The following ECM2 variants were observed in gnomAD, a reference collection of about 807,000 sequenced individuals.
ECM2 encodes the protein extracellular matrix protein 2, also known as extracellular matrix protein 2, female organ and adipocyte specific.
ECM2 carries 57 observed loss-of-function variants against 67.5 expected under a neutral mutation model. That is an observed-to-expected ratio of 0.84 (90% CI 0.68 to 1.05). The LOEUF is 1.05. Ranked by LOEUF, ECM2 falls within the 50% of genes least tolerant of loss-of-function variation. The pLI is 0.00. For missense variants in ECM2, 741 were observed against 822.8 expected, an observed-to-expected ratio of 0.90 and a Z score of 1.22; for synonymous variants, 258 against 294.5, an observed-to-expected ratio of 0.88 and a Z score of 1.27.
the ECM2 span, among the ~76,000 whole-genome samples, chr9:92,546,075 G>T: frequency 2.0e-5 from 3 of 152,002 alleles, 1 homozygote; most frequent in East Asian, 5.8e-4. Flanking sequence ...TCAGCACCCT[G>T]TGTCTAGCTC....
At chr9:92,550,932 C>G in the ECM2 span, among the ~76,000 whole-genome samples, 8 of 152,150 alleles carry the variant, frequency 5.3e-5, no homozygotes, top group Admixed American at 1.3e-4. Flanking sequence ...GGCTCTTTCC[C>G]CAGCTCCATA....
At chr9:92,557,217 AG>A in the ECM2 span, among the ~76,000 whole-genome samples, 4 of 152,152 alleles carry the variant, frequency 2.6e-5, no homozygotes, top group Non-Finnish European at 4.4e-5. Context: ...TTTCCTTTGT[AG>A]GTTACCTGGT....
chr9:92,548,592 T>G, the ECM2 span, among the ~76,000 whole-genome samples: 2 of 152,226 alleles, frequency 1.3e-5, no homozygotes, highest in Non-Finnish European at 2.9e-5. Flanking sequence ...TAATTGTCTT[T>G]ATACAGTGAG....
intron 2 of ECM2, among the ~76,000 whole-genome samples, chr9:92,520,383 AGTT>A (rs1324437962): frequency 6.6e-6 from 1 of 152,218 alleles, no homozygotes; most frequent in African/African-American, 2.4e-5. Context: ...TAACATCATT[AGTT>A]GTTAGGGAAA....
At chr9:92,524,137 C>A (rs1848246964) in intron 1 of ECM2, among the ~76,000 whole-genome samples, 1 of 152,158 alleles carries the variant, frequency 6.6e-6, no homozygotes, top group South Asian at 2.1e-4. Context: ...AATCCACAAC[C>A]CATTTTCCCA....
chr9:92,548,414 A>G, the ECM2 span, among the ~76,000 whole-genome samples: 9 of 152,246 alleles, frequency 5.9e-5, no homozygotes, highest in Admixed American at 1.3e-4. Context: ...GAGAGTCCCA[A>G]TTAGGGGGTT....
At chr9:92,496,519 C>T (rs1264799935) in intron 9 of ECM2, 36 bp from the exon 10 acceptor site, 1 of 1,585,934 alleles carries the variant, frequency 6.3e-7, no homozygotes, top group African/African-American at 1.4e-5. Context: ...ACACATGGTC[C>T]CAGTAATAAT....
chr9:92,552,069 G>T, the ECM2 span, among the ~76,000 whole-genome samples: 7 of 128,122 alleles, frequency 5.5e-5, 1 homozygote, highest in Non-Finnish European at 9.6e-5. Context: ...TATGTGATAT[G>T]ATAGATCTAT....
At chr9:92,514,048 T>C (rs1486809037) in intron 4 of ECM2, among the ~76,000 whole-genome samples, 2 of 152,086 alleles carry the variant, frequency 1.3e-5, no homozygotes, top group Admixed American at 6.5e-5. Context: ...TTGAAGATTA[T>C]GAAATTAGTC....
In ECM2 at chr9:92,515,062, T is replaced by A; in HGVS notation, c.623A>T (p.Lys208Ile). 2 of 1,614,176 alleles carry A rather than the reference T, an allele frequency of 1.2e-6. No individual in the cohort carries two copies. The highest frequency in any genetic ancestry group is 1.7e-6 in the Non-Finnish European group (2 of 1,180,036). The change falls in exon 4 of 10, where the codon AAA becomes ATA. Residue 208 changes from lysine to isoleucine, a missense_variant. Transcript: ENST00000344604. ...ATCCTCCTCAGATTGAAGTGCTTCT[T>A]TTCTTACTATTCGGTCCATTCCCAC... is the stretch of plus-strand genomic sequence containing the variant. ...PQVGMDRIVRKEALQSEEDEE... is the reference protein window; with the variant it reads ...PQVGMDRIVRIEALQSEEDEE...
chr9:92,527,851 C>T (rs1848510200), intron 1 of ECM2: 1 of 154,082 alleles, frequency 6.5e-6, no homozygotes, highest in African/African-American at 2.4e-5. Flanking sequence ...TTACATTCTG[C>T]ATACAGTATA....
At chr9:92,504,358 T>C (rs1163577736) in intron 7 of ECM2, among the ~76,000 whole-genome samples, 1 of 152,154 alleles carries the variant, frequency 6.6e-6, no homozygotes, top group African/African-American at 2.4e-5. Flanking sequence ...AAGATCACAA[T>C]AGATGACCCT....
At chr9:92,543,539 C>T in the ECM2 span, among the ~76,000 whole-genome samples, 66 of 139,570 alleles carry the variant, frequency 4.7e-4, no homozygotes, top group African/African-American at 1.7e-3. Flanking sequence ...TGATTCCTTA[C>T]GAATTTTATG....
intron 9 of ECM2, among the ~76,000 whole-genome samples, chr9:92,498,459 A>G (rs1846484680): frequency 6.6e-6 from 1 of 151,964 alleles, no homozygotes; most frequent in Admixed American, 6.5e-5. Flanking sequence ...GAAAATATAT[A>G]TATATTAAAA....
the ECM2 span, among the ~76,000 whole-genome samples, chr9:92,555,006 G>T: frequency 2.2e-5 from 3 of 137,156 alleles, no homozygotes; most frequent in Non-Finnish European, 4.6e-5. Context: ...TGTATTGTTT[G>T]TTGTTGTTGT....
chr9:92,531,154 A>G (rs1848725888), intron 1 of ECM2, among the ~76,000 whole-genome samples: 1 of 152,082 alleles, frequency 6.6e-6, no homozygotes. Flanking sequence ...ATTGAAATAT[A>G]CTTTCTATTT....
the ECM2 span, among the ~76,000 whole-genome samples, chr9:92,546,336 C>T: frequency 1.2e-4 from 18 of 152,242 alleles, no homozygotes; most frequent in Admixed American, 4.6e-4. Context: ...CCAGAGGTCC[C>T]CTTCCACTGT....
the ECM2 span, among the ~76,000 whole-genome samples, chr9:92,558,139 A>G: frequency 6.6e-6 from 1 of 152,122 alleles, no homozygotes; most frequent in South Asian, 2.1e-4. Context: ...TCTTTTTCAG[A>G]TAAATCACAG....
intron 6 of ECM2, 113 bp from the exon 7 acceptor site, chr9:92,505,803 T>G: frequency 1.2e-6 from 1 of 840,028 alleles, no homozygotes; most frequent in Non-Finnish European, 1.8e-6. Flanking sequence ...GCAAATACAG[T>G]TTTTTTTAAA....
Sources: allele counts gnomAD v4.1 joint callset (sites outside exome capture counted in the v4.1 genomes callset), GRCh38; gene constraint gnomAD v4.1.1; transcripts MANE v1.5; gene names NCBI Gene and HGNC (gene_info 2026-07-23, HGNC 2026-07-21).